The following CSMD1 variants were observed in gnomAD, a reference collection of about 807,000 sequenced individuals.
CSMD1 encodes the protein CUB and Sushi multiple domains 1.
A neutral mutation model predicts 417.5 loss-of-function variants in CSMD1; 213 were observed. The ratio of observed to expected loss-of-function variants is 0.51; its 90% CI spans 0.46 to 0.57. CSMD1 has a LOEUF of 0.57. Among genes scored for constraint, CSMD1 ranks in the 20% least tolerant of loss-of-function variants. CSMD1 has a pLI of 0.00. For synonymous variants in CSMD1, 2,862 were observed against 1,736.8 expected, an observed-to-expected ratio of 1.65 and a Z score of -16.11; for missense variants, 6,923 against 4,529.7, an observed-to-expected ratio of 1.53 and a Z score of -15.17.
intron 5 of CSMD1, among the ~76,000 whole-genome samples, chr8:3,933,460 C>T (rs911577938): frequency 1.3e-4 from 20 of 152,004 alleles, no homozygotes; most frequent in Non-Finnish European, 2.2e-4. Flanking sequence ...CCTACATCTT[C>T]ACTCCCACCC....
chr8:3,308,732 G>GTTTTTTTTTTTTTTTTTTTTT (rs5888961), intron 23 of CSMD1, among the ~76,000 whole-genome samples: 1 of 108,930 alleles, frequency 9.2e-6, no homozygotes, highest in Non-Finnish European at 1.7e-5. Flanking sequence ...CTACTTACAA[G>GTTTTTTTTTTTTTTTTTTTTT]TTTTTTTTTT....
chr8:4,969,517 G>C (rs912614827), intron 1 of CSMD1, among the ~76,000 whole-genome samples: 1 of 151,184 alleles, frequency 6.6e-6, no homozygotes, highest in Non-Finnish European at 1.5e-5. Flanking sequence ...CTCCACCCAA[G>C]TAGAAGACAG....
chr8:3,547,648 G>C (rs1366880007), intron 10 of CSMD1, among the ~76,000 whole-genome samples: 4 of 152,102 alleles, frequency 2.6e-5, no homozygotes, highest in Non-Finnish European at 5.9e-5. Flanking sequence ...GGGTTTGTAA[G>C]TAATATTAAT....
chr8:4,619,950 T>A (rs775595698), intron 2 of CSMD1, among the ~76,000 whole-genome samples: 1 of 152,108 alleles, frequency 6.6e-6, no homozygotes, highest in African/African-American at 2.4e-5. Flanking sequence ...TATATTTATA[T>A]GCTGAAGAAT....
chr8:3,982,593 C>T (rs950618006), intron 5 of CSMD1, among the ~76,000 whole-genome samples: 2 of 150,316 alleles, frequency 1.3e-5, no homozygotes, highest in East Asian at 3.9e-4. Context: ...AATTTCACTA[C>T]TATTATGAAG....
At chr8:3,448,160 T>A (rs114665292) in intron 12 of CSMD1, among the ~76,000 whole-genome samples, 85 of 150,678 alleles carry the variant, frequency 5.6e-4, no homozygotes, top group Middle Eastern at 3.4e-3. Context: ...GGAGCCTGAA[T>A]TGGGGGAGTA....
intron 3 of CSMD1, among the ~76,000 whole-genome samples, chr8:4,378,893 G>A (rs923050412): frequency 1.2e-4 from 19 of 152,204 alleles, no homozygotes; most frequent in East Asian, 3.9e-4. Flanking sequence ...TGCTGAATCC[G>A]CAATGCTTGG....
chr8:4,343,128 T>G (rs1276786069), intron 3 of CSMD1, among the ~76,000 whole-genome samples: 2 of 152,020 alleles, frequency 1.3e-5, no homozygotes, highest in Non-Finnish European at 1.5e-5. Context: ...CTCCAAAACA[T>G]AAAAACAGAT....
intron 11 of CSMD1, among the ~76,000 whole-genome samples, chr8:3,490,162 T>C (rs934817764): frequency 1.3e-4 from 20 of 152,236 alleles, no homozygotes; most frequent in Admixed American, 1.3e-3. Context: ...CATATATCAG[T>C]GGCTTTTCTT....
At chr8:3,277,910 A>C (rs902104508) in intron 26 of CSMD1, among the ~76,000 whole-genome samples, 28 of 152,216 alleles carry the variant, frequency 1.8e-4, no homozygotes, top group African/African-American at 6.8e-4. Flanking sequence ...ACAATTTTAT[A>C]CAGTTCAAAT....
chr8:4,337,418 T>C (rs766359911), intron 3 of CSMD1, among the ~76,000 whole-genome samples: 72 of 152,170 alleles, frequency 4.7e-4, no homozygotes, highest in Non-Finnish European at 7.8e-4. Flanking sequence ...ACTGCTTTTC[T>C]ATCTTAGCCT....
At chr8:4,131,756 CTTTTTTT>C (rs10650865) in intron 3 of CSMD1, among the ~76,000 whole-genome samples, 5 of 87,426 alleles carry the variant, frequency 5.7e-5, no homozygotes, top group Non-Finnish European at 1.0e-4. Context: ...ACAAATGTGA[CTTTTTTT>C]TTTTTTTTTT....
intron 49 of CSMD1, among the ~76,000 whole-genome samples, chr8:3,060,151 CTTTT>C (rs34354746): frequency 7.1e-6 from 1 of 140,078 alleles, no homozygotes; most frequent in South Asian, 2.3e-4. Flanking sequence ...TTACTAACAA[CTTTT>C]TTTTTTTTTT....
intron 3 of CSMD1, among the ~76,000 whole-genome samples, chr8:4,240,809 A>T (rs924232395): frequency 2.6e-5 from 4 of 151,982 alleles, no homozygotes; most frequent in Non-Finnish European, 5.9e-5. Context: ...CATACTATCT[A>T]TTTTTTTATT....
At chr8:2,971,671 C>T (rs981862986) in intron 57 of CSMD1, among the ~76,000 whole-genome samples, 1 of 152,136 alleles carries the variant, frequency 6.6e-6, no homozygotes. Flanking sequence ...AAACATTGCT[C>T]TCATGTGCAA....
chr8:2,980,873 C>T (rs560368669), intron 54 of CSMD1, among the ~76,000 whole-genome samples: 2 of 152,302 alleles, frequency 1.3e-5, no homozygotes, highest in Admixed American at 6.5e-5. Flanking sequence ...ACCTAGTTCA[C>T]TACCCTTAAA....
intron 1 of CSMD1, among the ~76,000 whole-genome samples, chr8:4,965,270 T>C (rs1389380447): frequency 6.6e-6 from 1 of 152,228 alleles, no homozygotes; most frequent in Non-Finnish European, 1.5e-5. Context: ...AATTAGCCAA[T>C]ACTTACTGAG....
At chr8:3,629,812 T>A (rs1366827806) in intron 7 of CSMD1, among the ~76,000 whole-genome samples, 2 of 152,176 alleles carry the variant, frequency 1.3e-5, no homozygotes, top group African/African-American at 4.8e-5. Flanking sequence ...CTAAAAGACA[T>A]AACTTCGGTC....
chr8:4,853,466 G>A (rs748440214), intron 1 of CSMD1, among the ~76,000 whole-genome samples: 2 of 152,208 alleles, frequency 1.3e-5, no homozygotes, highest in Non-Finnish European at 2.9e-5. Context: ...TATTAAGCCT[G>A]CTAGTGCACA....
Sources: allele counts gnomAD v4.1 joint callset (sites outside exome capture counted in the v4.1 genomes callset), GRCh38; gene constraint gnomAD v4.1.1; transcripts MANE v1.5; gene names NCBI Gene and HGNC (gene_info 2026-07-23, HGNC 2026-07-21).